Variants in RSBN1L observed in about 807,000 individuals in gnomAD.
RSBN1L encodes the protein round spermatid basic protein 1 like, also known as lysine-specific demethylase RSBN1L.
Under a neutral mutation model 67.7 loss-of-function variants are expected in RSBN1L, and 30 were observed. The observed-to-expected ratio is 0.44, with a 90% confidence interval of 0.33 to 0.60. The LOEUF is 0.60. RSBN1L is among the 20% of genes least tolerant of loss of function. The pLI, the probability that RSBN1L is intolerant of heterozygous loss-of-function variation, is 0.02. For missense variants in RSBN1L, 992 were observed against 1,031.7 expected (o/e 0.96, Z 0.53); for synonymous variants, 433 against 387.0 (o/e 1.12, Z -1.39).
intron 2 of RSBN1L, among the ~76,000 whole-genome samples, chr7:77,746,026 C>T (rs1026287197): frequency 6.6e-6 from 1 of 152,156 alleles, no homozygotes; most frequent in African/African-American, 2.4e-5. Context: ...GATGAAGCTT[C>T]GCTGGCTCGC....
chr7:77,703,542 T>G (rs1237725422), intron 1 of RSBN1L, among the ~76,000 whole-genome samples: 5 of 131,832 alleles, frequency 3.8e-5, no homozygotes, highest in Admixed American at 9.5e-5. Flanking sequence ...CAGGCTGGAG[T>G]GCAGTGGCAC....
Position 77,768,704 on chromosome 7 carries a change from G to C in RSBN1L, c.1526G>C (p.Ser509Thr). ...WGTLSSLKLQ[S>T]RKDSDDGPIM... ...ACGCTATCTAGTCTAAAATTACAGA[G>C]TCGAAAAGATAGTGATGATGGTCCC... The change falls in exon 5 of 8, where the codon AGT becomes ACT. Residue 509 changes from serine (S) to threonine (T), a missense_variant. Physicochemically the swap from Ser to Thr is moderately conservative, Grantham distance 58. This residue lies in a region of RSBN1L where 67 missense variants were observed against 130.5 expected (regional missense o/e 0.51). Transcript: ENST00000334955. 1 of 1,613,828 alleles carries C rather than the reference G, an allele frequency of 6.2e-7. No individual in the cohort carries two copies. Among genetic ancestry groups the C allele is most frequent in the Non-Finnish European group, 8.5e-7 (1 of 1,179,760 alleles).
At chr7:77,707,653 C>T (rs940404655) in intron 1 of RSBN1L, among the ~76,000 whole-genome samples, 1 of 152,114 alleles carries the variant, frequency 6.6e-6, no homozygotes, top group African/African-American at 2.4e-5. Context: ...AGTAAATGTT[C>T]ACTATTACTC....
At chr7:77,775,781 C>T (rs980134720) in intron 6 of RSBN1L, among the ~76,000 whole-genome samples, 3 of 152,050 alleles carry the variant, frequency 2.0e-5, no homozygotes, top group Non-Finnish European at 4.4e-5. Flanking sequence ...TTTGGCTAGG[C>T]GCGGTGGCTC....
chr7:77,741,872 G>A (rs1412418658), intron 2 of RSBN1L, among the ~76,000 whole-genome samples: 1 of 151,958 alleles, frequency 6.6e-6, no homozygotes, highest in African/African-American at 2.4e-5. Context: ...ATTACATAAA[G>A]CTCTTAATCT....
At chr7:77,741,581 A>G (rs1031038014) in intron 2 of RSBN1L, among the ~76,000 whole-genome samples, 5 of 151,460 alleles carry the variant, frequency 3.3e-5, no homozygotes, top group African/African-American at 1.2e-4. Context: ...AGTCCCAGCT[A>G]CTCGGGAGGC....
chr7:77,759,708 A>G (rs1473233505), intron 3 of RSBN1L: 1 of 152,188 alleles, frequency 6.6e-6, no homozygotes, highest in African/African-American at 2.4e-5. Context: ...AAATATCTGT[A>G]TCTCCATATT....
chr7:77,702,954 C>G (rs1341341061), intron 1 of RSBN1L, among the ~76,000 whole-genome samples: 1 of 152,128 alleles, frequency 6.6e-6, no homozygotes, highest in East Asian at 1.9e-4. Context: ...GCCTTATTTT[C>G]AGATACAGTC....
chr7:77,705,512 T>G (rs1790879797), intron 1 of RSBN1L, among the ~76,000 whole-genome samples: 1 of 141,930 alleles, frequency 7.0e-6, no homozygotes. Context: ...TTGTAATGGT[T>G]TTTTTTTTTT....
At chr7:77,711,480 C>T (rs925123644) in intron 1 of RSBN1L, among the ~76,000 whole-genome samples, 5 of 152,020 alleles carry the variant, frequency 3.3e-5, no homozygotes, top group Non-Finnish European at 7.4e-5. Flanking sequence ...GCTAGGACTA[C>T]AGGTGAGCAC....
At chr7:77,767,835 C>T (rs1478598559) in intron 4 of RSBN1L, among the ~76,000 whole-genome samples, 3 of 57,968 alleles carry the variant, frequency 5.2e-5, no homozygotes, top group African/African-American at 1.4e-4. Flanking sequence ...CCTTCTCCCT[C>T]CCCCCTTCTC....
intron 1 of RSBN1L, among the ~76,000 whole-genome samples, chr7:77,723,154 T>C (rs1193690564): frequency 6.6e-6 from 1 of 151,786 alleles, no homozygotes; most frequent in Non-Finnish European, 1.5e-5. Context: ...TTAGTAGAGA[T>C]GGGGTTTCAC....
chr7:77,759,797 A>G (rs528456391), intron 3 of RSBN1L: 1 of 152,280 alleles, frequency 6.6e-6, no homozygotes, highest in East Asian at 1.9e-4. Context: ...AACAAGTACA[A>G]AAAAAACAGG....
At chr7:77,723,651 T>C (rs1791152532) in intron 1 of RSBN1L, among the ~76,000 whole-genome samples, 1 of 151,936 alleles carries the variant, frequency 6.6e-6, no homozygotes, top group East Asian at 1.9e-4. Context: ...AAAGAATTTT[T>C]TTGGCTGGGC....
chr7:77,753,033 T>C (rs9986830), intron 3 of RSBN1L, among the ~76,000 whole-genome samples: 87,422 of 152,084 alleles, frequency 0.57, 27,003 homozygotes, highest in African/African-American at 0.81. Flanking sequence ...TATACCACAG[T>C]TTGTTGATCT....
At position 77,742,956 on chromosome 7, in the gene RSBN1L, T is replaced by G. The variant is rs77641530; in HGVS notation, c.703+6430T>G. ...AGAGTTCCTAGATGCTAGCCGAGAG[T>G]CAGCCTTGCAAACAGGACTGAGAAT... is the stretch of plus-strand genomic sequence containing the variant. On this transcript the variant is annotated intron_variant, in intron 2 of 7. Coordinates refer to ENST00000334955, the MANE Select transcript of RSBN1L (RefSeq NM_198467.3). Among the ~76,000 whole-genome samples, 93 of 152,174 alleles carry G rather than the reference T, an allele frequency of 6.1e-4. No individual in the cohort carries two copies. The East Asian group carries it at 0.014, about 23-fold the overall frequency.
At chr7:77,750,187 G>T in intron 3 of RSBN1L, 123 bp downstream of exon 3, 1 of 406,496 alleles carries the variant, frequency 2.5e-6, no homozygotes, top group Non-Finnish European at 4.0e-6. Flanking sequence ...CCATTTGGGA[G>T]TATTAAGAGT....
rs368098589 is a variant in RSBN1L, at chr7:77,730,102, A to G, written c.587-6308A>G. On this transcript the variant is annotated intron_variant, in intron 1 of 7. Transcript: ENST00000334955. ...GATTTCTTTTTTGTTCTGGGTTGAT[A>G]GTAACTTAGTCATACATTCCTTCTT... is the stretch of plus-strand genomic sequence containing the variant. 1.8e-4 allele frequency among the ~76,000 whole-genome samples: 27 copies of G among 152,272 alleles called. No homozygotes were observed. In the East Asian group the frequency reaches 5.0e-3, roughly 28 times the overall value.
intron 3 of RSBN1L, among the ~76,000 whole-genome samples, chr7:77,760,448 A>G (rs991212191): frequency 2.6e-5 from 4 of 152,066 alleles, no homozygotes; most frequent in African/African-American, 9.7e-5. Flanking sequence ...TAAATATGTT[A>G]TATTTCTTCT....
Sources: gnomAD v4.1 joint callset for allele counts (sites outside exome capture counted in the v4.1 genomes callset) on GRCh38, gnomAD v4.1.1 for gene constraint, gnomAD v4.1.1 regional missense constraint, MANE v1.5 for transcripts, NCBI Gene and HGNC (gene_info 2026-07-23, HGNC 2026-07-21) for gene names.